The following EDIL3 variants were observed in gnomAD, a reference collection of about 807,000 sequenced individuals.
The protein encoded by EDIL3 is EGF like and discoidin domains 3.
EDIL3 carries 37 observed loss-of-function variants against 67.4 expected under a neutral mutation model. The observed-to-expected ratio is 0.55, with a 90% confidence interval of 0.42 to 0.72. EDIL3 has a LOEUF of 0.72. EDIL3 is among the 30% of genes least tolerant of loss of function. The pLI, the probability that EDIL3 is intolerant of heterozygous loss-of-function variation, is 0.00. For missense variants in EDIL3, 527 were observed against 586.3 expected, an observed-to-expected ratio of 0.90 and a Z score of 1.04; for synonymous variants, 195 against 196.3, an observed-to-expected ratio of 0.99 and a Z score of 0.05.
intron 4 of EDIL3, among the ~76,000 whole-genome samples, chr5:84,177,144 T>A (rs1229627239): frequency 6.6e-6 from 1 of 152,148 alleles, no homozygotes. Context: ...CATGAATGTC[T>A]ATAGCAGCTT....
At chr5:84,073,922 G>A (rs909890375) in intron 6 of EDIL3, among the ~76,000 whole-genome samples, 30 of 151,840 alleles carry the variant, frequency 2.0e-4, no homozygotes, top group African/African-American at 6.3e-4. Flanking sequence ...AAAGCTGGAG[G>A]CATCACGCTA....
At chr5:83,952,010 A>G (rs1002497689) in intron 10 of EDIL3, among the ~76,000 whole-genome samples, 2 of 151,784 alleles carry the variant, frequency 1.3e-5, no homozygotes, top group Non-Finnish European at 2.9e-5. Context: ...ATGAGAGACC[A>G]AAGGGACTGG....
At chr5:84,106,482 T>G (rs1429944824) in intron 6 of EDIL3, among the ~76,000 whole-genome samples, 167 bp downstream of exon 6, 3 of 152,122 alleles carry the variant, frequency 2.0e-5, no homozygotes, top group Non-Finnish European at 4.4e-5. Context: ...ATGTGCATGT[T>G]TTTTACTTCT....
rs1307587944 is a variant in EDIL3, at chr5:83,949,300, G to A, written c.1294-5732C>T. ...AGCTGAAATAAGGTCATAACTAACC[G>A]AAACAATTTATCAGCAGGTGAAAGT... On this transcript the variant is annotated intron_variant, in intron 10 of 10. Transcript: ENST00000296591. 4.6e-5 allele frequency among the ~76,000 whole-genome samples: 7 copies of A among 151,524 alleles called. No individual in the cohort carries two copies. The East Asian group carries it at 7.8e-4, about 17-fold the overall frequency.
intron 3 of EDIL3, among the ~76,000 whole-genome samples, chr5:84,227,616 A>G (rs1359105849): frequency 6.6e-6 from 1 of 152,154 alleles, no homozygotes; most frequent in Non-Finnish European, 1.5e-5. Context: ...TACCAACAAG[A>G]CACATGCACT....
At chr5:84,102,613 A>G (rs1004066407) in intron 6 of EDIL3, among the ~76,000 whole-genome samples, 9 of 151,878 alleles carry the variant, frequency 5.9e-5, no homozygotes, top group Admixed American at 4.6e-4. Context: ...GCTAAAACAA[A>G]ACAAAACAAA....
chr5:84,095,830 T>C (rs1190285930), intron 6 of EDIL3, among the ~76,000 whole-genome samples: 3 of 152,180 alleles, frequency 2.0e-5, no homozygotes, highest in Non-Finnish European at 4.4e-5. Flanking sequence ...GGGAATTGTC[T>C]CCACAGCATG....
intron 1 of EDIL3, among the ~76,000 whole-genome samples, chr5:84,270,576 A>T (rs936470748): frequency 3.3e-5 from 5 of 152,302 alleles, no homozygotes; most frequent in Middle Eastern, 3.4e-3. Flanking sequence ...GTATACTGAG[A>T]GGGTGAAATT....
Position 84,132,304 on chromosome 5 carries a change from A to AATATATATAATATATATTTTATATATT in EDIL3, c.469+4936_469+4937insAATATATAAAATATATATTATATATAT, listed in dbSNP as rs35891100. 9.1e-4 allele frequency among the ~76,000 whole-genome samples: 93 copies of AATATATATAATATATATTTTATATATT among 102,306 alleles called. 1 individual carries two copies. Among genetic ancestry groups the AATATATATAATATATATTTTATATATT allele is most frequent in the African/African-American group, 3.5e-3 (89 of 25,196 alleles). The allele number at this position is 102,306 out of a possible 152,430, so 67.1% of individuals were successfully genotyped here. On this transcript the variant is annotated intron_variant, in intron 5 of 10. Coordinates refer to ENST00000296591, the MANE Select transcript of EDIL3 (RefSeq NM_005711.5). ...CATATATAGTATATATTTTATATAT[A>AATATATATAATATATATTTTATATATT]ATATATATTATATATATTTTATATA...
chr5:83,969,866 C>CT (rs1744760657), intron 9 of EDIL3, among the ~76,000 whole-genome samples: 2 of 151,756 alleles, frequency 1.3e-5, no homozygotes, highest in African/African-American at 4.8e-5. Context: ...ATTATCATGT[C>CT]TATCATTTCA....
At chr5:84,343,741 G>C (rs1747174075) in intron 1 of EDIL3, among the ~76,000 whole-genome samples, 1 of 151,976 alleles carries the variant, frequency 6.6e-6, no homozygotes, top group Admixed American at 6.6e-5. Context: ...GTGGACTCTG[G>C]TTTCACTCTA....
At chr5:84,241,037 C>G (rs1744783742) in intron 2 of EDIL3, among the ~76,000 whole-genome samples, 1 of 152,208 alleles carries the variant, frequency 6.6e-6, no homozygotes, top group Admixed American at 6.5e-5. Context: ...AAAGCCACCA[C>G]AACCATAAAA....
chr5:84,309,214 T>C (rs1428471449), intron 1 of EDIL3, among the ~76,000 whole-genome samples: 1 of 152,090 alleles, frequency 6.6e-6, no homozygotes, highest in Non-Finnish European at 1.5e-5. Flanking sequence ...ACTTTTCTTT[T>C]TGTAATTAAT....
At chr5:84,141,932 T>TATATATATATATAC (rs1748201467) in intron 4 of EDIL3, among the ~76,000 whole-genome samples, 1 of 97,258 alleles carries the variant, frequency 1.0e-5, no homozygotes, top group African/African-American at 3.7e-5. Context: ...TACACATATA[T>TATATATATATATAC]ATATATATAT....
rs2112401599 is a variant in EDIL3 at position 84,222,445 on chromosome 5, A to T, written c.226+7410T>A. On this transcript the variant is annotated intron_variant, in intron 3 of 10. Transcript: ENST00000296591. ...GGATGCATTGGTAAGCCAAATCACC[A>T]TTTTCTTCTTCTCTATGGACATCAC... Among the ~76,000 whole-genome samples, 3 of 151,896 alleles carry T rather than the reference A, an allele frequency of 2.0e-5. No individual in the cohort carries two copies. The South Asian group carries it at 6.2e-4, about 31-fold the overall frequency.
At chr5:84,136,367 T>A (rs1334826709) in intron 5 of EDIL3, among the ~76,000 whole-genome samples, 7 of 152,216 alleles carry the variant, frequency 4.6e-5, no homozygotes, top group Admixed American at 2.6e-4. Context: ...TTCCTCTAAT[T>A]GTCCAACAAT....
rs114382677 is a variant in EDIL3, at chr5:83,999,217, G to A, written c.1138-35857C>T. Among the ~76,000 whole-genome samples, 1,096 of 152,176 alleles carry A rather than the reference G, an allele frequency of 7.2e-3. 16 individuals are homozygous for A. Among genetic ancestry groups the A allele is most frequent in the African/African-American group, 0.024 (996 of 41,526 alleles). On this transcript the variant is annotated intron_variant, in intron 9 of 10. Transcript: ENST00000296591. ...AGATTGCAAAGTTTAGAATAACTAC[G>A]TAAGTCTTCAATGCCCAGAAATCGA...
chr5:84,046,374 A>G (rs1271688523), intron 9 of EDIL3, among the ~76,000 whole-genome samples: 1 of 152,150 alleles, frequency 6.6e-6, no homozygotes, highest in Non-Finnish European at 1.5e-5. Flanking sequence ...TCCAACAGAT[A>G]TCCCCTGAAA....
At chr5:84,114,159 T>G (rs535388673) in intron 5 of EDIL3, among the ~76,000 whole-genome samples, 4 of 150,690 alleles carry the variant, frequency 2.7e-5, no homozygotes, top group South Asian at 2.1e-4. Context: ...TTTTTTTTTT[T>G]TTTTTTTTTT....
Sources: allele counts gnomAD v4.1 joint callset (sites outside exome capture counted in the v4.1 genomes callset), GRCh38; gene constraint gnomAD v4.1.1; transcripts MANE v1.5; gene names NCBI Gene and HGNC (gene_info 2026-07-23, HGNC 2026-07-21).